The following ELMO1 variants were observed in gnomAD, a reference collection of about 807,000 sequenced individuals.
ELMO1 encodes the protein engulfment and cell motility protein 1.
ELMO1 carries 26 observed loss-of-function variants against 98.9 expected under a neutral mutation model. That is an observed-to-expected ratio of 0.26 (90% CI 0.19 to 0.36). The LOEUF (loss-of-function observed/expected upper bound fraction) is 0.36, where lower values mean the gene tolerates loss of function less well. Among genes scored for constraint, ELMO1 ranks in the 10% least tolerant of loss-of-function variants. The probability of loss-of-function intolerance (pLI) is 1.00; values close to 1 mark genes in which losing one functional copy is unlikely to be tolerated. For missense variants in ELMO1, 627 were observed against 935.2 expected, an observed-to-expected ratio of 0.67 and a Z score of 4.30; for synonymous variants, 346 against 346.0, an observed-to-expected ratio of 1.00 and a Z score of 0.00.
chr7:37,221,149 C>G (rs1373632283), intron 10 of ELMO1, among the ~76,000 whole-genome samples: 3 of 152,160 alleles, frequency 2.0e-5, no homozygotes, highest in Non-Finnish European at 4.4e-5. Flanking sequence ...GGGCAGGCAC[C>G]TCCACCTGGC....
intron 6 of ELMO1, among the ~76,000 whole-genome samples, chr7:37,254,585 A>G (rs1240401091): frequency 6.6e-6 from 1 of 152,206 alleles, no homozygotes; most frequent in African/African-American, 2.4e-5. Flanking sequence ...TAGGCTGAGT[A>G]GTGTACGCAA....
intron 13 of ELMO1, among the ~76,000 whole-genome samples, chr7:37,134,921 T>C (rs868699037): frequency 6.6e-6 from 1 of 152,102 alleles, no homozygotes; most frequent in Non-Finnish European, 1.5e-5. Context: ...AGGCTGGGAA[T>C]TGGTGGGATG....
intron 1 of ELMO1, among the ~76,000 whole-genome samples, chr7:37,411,489 C>T (rs1487908951): frequency 1.3e-5 from 2 of 152,156 alleles, no homozygotes; most frequent in African/African-American, 4.8e-5. Flanking sequence ...AATTTTCTGG[C>T]TATTGCCCTT....
chr7:37,189,005 T>C (rs907781134), intron 13 of ELMO1, among the ~76,000 whole-genome samples: 21 of 152,196 alleles, frequency 1.4e-4, no homozygotes, highest in African/African-American at 4.6e-4. Flanking sequence ...ATATGCCCAA[T>C]CCTGAACCAA....
chr7:37,337,540 A>C (rs2723988), intron 2 of ELMO1, among the ~76,000 whole-genome samples: 61,080 of 141,426 alleles, frequency 0.43, 14,546 homozygotes, highest in Non-Finnish European at 0.57. Context: ...AAAAAAAAAA[A>C]AACACCTATG....
rs752597016 is a variant in ELMO1, at chr7:37,013,408, G to A, written c.1328C>T (p.Pro443Leu). 3.1e-6 allele frequency: 5 copies of A among 1,614,008 alleles called. No homozygotes were observed. The highest frequency in any genetic ancestry group is 1.3e-5 in the African/African-American group (1 of 75,006). The stretch of plus-strand genomic sequence containing the variant: ...GGATCTGTCGTGGGTGAAGAACATC[G>A]GGTGGAAGTCGTTGCAGGTCTCACT... ...LPSETCNDFH[P>L]MFFTHDRSFE... The change falls in exon 16 of 22, where the codon CCG becomes CTG. Residue 443 changes from proline (P) to leucine (L), a missense_variant. Pro to Leu is a moderately conservative substitution (Grantham distance 98). Coordinates refer to ENST00000310758, the MANE Select transcript of ELMO1 (RefSeq NM_014800.11).
chr7:37,362,454 G>A (rs1801736215), intron 1 of ELMO1, among the ~76,000 whole-genome samples: 1 of 152,112 alleles, frequency 6.6e-6, no homozygotes, highest in Non-Finnish European at 1.5e-5. Context: ...TTGGACCCAC[G>A]ACAGAGTTTA....
intron 2 of ELMO1, among the ~76,000 whole-genome samples, chr7:37,321,535 T>C (rs1209480909): frequency 6.6e-6 from 1 of 151,324 alleles, no homozygotes; most frequent in African/African-American, 2.4e-5. Context: ...GGCTAACACG[T>C]TGAAACCCCG....
At chr7:36,894,775 A>C (rs1044803006) in intron 17 of ELMO1, 79 bp downstream of exon 17, 8 of 1,579,204 alleles carry the variant, frequency 5.1e-6, no homozygotes, top group Admixed American at 1.7e-5. Flanking sequence ...AACACAGCCC[A>C]GCTTCATGAC....
Position 37,238,845 on chromosome 7 carries a change from G to T in ELMO1, c.449+5511C>A, listed in dbSNP as rs575353608. Reference sequence around the variant, plus strand: ...TATTTCATAAAACACTGAGCTGCTTGATTGATTTTCAAATGTTAAACTATT... The same window carrying T: ...TATTTCATAAAACACTGAGCTGCTTTATTGATTTTCAAATGTTAAACTATT... On this transcript the variant is annotated intron_variant, in intron 7 of 21. Transcript: ENST00000310758. 2.6e-5 allele frequency among the ~76,000 whole-genome samples: 4 copies of T among 152,266 alleles called. No homozygotes were observed. In the East Asian group the frequency reaches 7.7e-4, roughly 29 times the overall value.
intron 19 of ELMO1, among the ~76,000 whole-genome samples, chr7:36,875,603 C>CAA (rs1803890774): frequency 6.6e-6 from 1 of 152,204 alleles, no homozygotes; most frequent in Non-Finnish European, 1.5e-5. Flanking sequence ...CAGCCTTGCT[C>CAA]AGTGGCCACT....
chr7:36,922,920 T>C lies in ELMO1; in HGVS notation c.1438-27903A>G, dbSNP rs570195725. 1.3e-3 allele frequency among the ~76,000 whole-genome samples: 195 copies of C among 152,250 alleles called. 1 individual carries two copies. The highest frequency in any genetic ancestry group is 4.4e-3 in the African/African-American group (183 of 41,538). On this transcript the variant is annotated intron_variant, in intron 16 of 21. Coordinates refer to ENST00000310758, the MANE Select transcript of ELMO1 (RefSeq NM_014800.11). ...CTCCTGTCTTTCTTAAAGGTGACGA[T>C]GAGTAGAAATGACCACCAGCAAAGT... is the stretch of plus-strand genomic sequence containing the variant.
chr7:36,869,189 C>T (rs1038989208), intron 20 of ELMO1, among the ~76,000 whole-genome samples: 8 of 152,214 alleles, frequency 5.3e-5, no homozygotes, highest in African/African-American at 4.8e-5. Context: ...GCATGCCCTG[C>T]CATCAGTATG....
At chr7:37,439,797 G>A (rs138950392) in intron 1 of ELMO1, among the ~76,000 whole-genome samples, 11 of 152,294 alleles carry the variant, frequency 7.2e-5, no homozygotes, top group East Asian at 3.9e-4. Context: ...AGTCAAAGTC[G>A]CTTCCTGGCA....
rs1355959902 is a variant in ELMO1, at chr7:37,442,760, C to G, written c.-74+5915G>C. ...CTGGATACCATGGCAACCCAGGGCA[C>G]ATCCATCTGCAGGACATACAGGAGT... On this transcript the variant is annotated intron_variant, in intron 1 of 21. Coordinates refer to ENST00000310758, the MANE Select transcript of ELMO1 (RefSeq NM_014800.11). Among the ~76,000 whole-genome samples the G allele has an allele frequency of 4.6e-5, 7 of 152,178 alleles. No individual in the cohort carries two copies. The East Asian group carries it at 1.3e-3, about 29-fold the overall frequency.
chr7:37,417,390 G>A lies in ELMO1; in HGVS notation c.-74+31285C>T, dbSNP rs10951517. Among the ~76,000 whole-genome samples the A allele has an allele frequency of 7.6e-3, 1,158 of 152,236 alleles. 5 individuals are homozygous for A. Among genetic ancestry groups the A allele is most frequent in the Middle Eastern group, 0.024 (7 of 294 alleles). ...AAAAATGCAAAAATTGGCCAGGCGC[G>A]GTGTCTTACGCCTGTAATCCCAGCA... On this transcript the variant is annotated intron_variant, in intron 1 of 21. Coordinates refer to ENST00000310758, the MANE Select transcript of ELMO1 (RefSeq NM_014800.11).
At chr7:37,404,308 G>A (rs1024624623) in intron 1 of ELMO1, among the ~76,000 whole-genome samples, 4 of 151,712 alleles carry the variant, frequency 2.6e-5, no homozygotes, top group African/African-American at 9.7e-5. Flanking sequence ...CGTGTGGCAG[G>A]CCTCTCCCAT....
intron 12 of ELMO1, among the ~76,000 whole-genome samples, 161 bp from the exon 13 acceptor site, chr7:37,211,678 G>A (rs1279524699): frequency 1.3e-5 from 2 of 152,184 alleles, no homozygotes; most frequent in South Asian, 2.1e-4. Context: ...TTAGGGCTTT[G>A]CAGACCACTC....
At chr7:37,150,340 CTG>C (rs1414133465) in intron 13 of ELMO1, among the ~76,000 whole-genome samples, 2 of 149,952 alleles carry the variant, frequency 1.3e-5, no homozygotes, top group African/African-American at 2.5e-5. Flanking sequence ...GATTAACAGA[CTG>C]AGACAAACAG....
Sources: allele counts gnomAD v4.1 joint callset (sites outside exome capture counted in the v4.1 genomes callset), GRCh38; gene constraint gnomAD v4.1.1; transcripts MANE v1.5; gene names NCBI Gene and HGNC (gene_info 2026-07-23, HGNC 2026-07-21).